Variants in TAB1 observed in about 807,000 individuals in gnomAD.
TAB1 encodes the protein TGF-beta activated kinase 1 (MAP3K7) binding protein 1, also known as TGF-beta-activated kinase 1 and MAP3K7-binding protein 1.
In TAB1, 30 loss-of-function variants were observed where a neutral mutation model predicts 54.5. The observed-to-expected ratio is 0.55, with a 90% CI of 0.41 to 0.75. The LOEUF (loss-of-function observed/expected upper bound fraction) is 0.75. TAB1 is among the 30% of genes least tolerant of loss of function. The probability of loss-of-function intolerance (pLI) is 0.00; values close to 1 mark genes in which losing one functional copy is unlikely to be tolerated. For missense variants in TAB1, 609 were observed against 683.2 expected, an observed-to-expected ratio of 0.89 and a Z score of 1.21; for synonymous variants, 289 against 286.9, an observed-to-expected ratio of 1.01 and a Z score of -0.07.
At chr22:39,433,612 C>G, downstream of TAB1, 1 of 985,428 alleles carries the variant, frequency 1.0e-6, no homozygotes, top group Admixed American at 6.1e-5. Flanking sequence ...GTTGTACCGT[C>G]CTGGTCTGGT....
At chr22:39,411,603 G>T (rs768831439) in intron 1 of TAB1, among the ~76,000 whole-genome samples, 1 of 152,172 alleles carries the variant, frequency 6.6e-6, no homozygotes, top group Admixed American at 6.5e-5. Context: ...TGGCAAGGAC[G>T]TGGAGCAGCC....
intron 6 of TAB1, 80 bp downstream of exon 6, chr22:39,418,925 G>T: frequency 8.7e-7 from 1 of 1,150,864 alleles, no homozygotes; most frequent in Non-Finnish European, 1.3e-6. Flanking sequence ...GTAGAGAGGC[G>T]TGTGGTAGAG....
chr22:39,416,750 G>C (rs755997019), intron 3 of TAB1, 41 bp from the exon 4 acceptor site: 28 of 1,584,656 alleles, frequency 1.8e-5, no homozygotes, highest in East Asian at 8.9e-5. Context: ...AGTGACAGTG[G>C]TGTTTTGAAC....
At chr22:39,401,013 C>T (rs1043874860) in intron 1 of TAB1, among the ~76,000 whole-genome samples, 4 of 131,270 alleles carry the variant, frequency 3.0e-5, no homozygotes, top group African/African-American at 9.1e-5. Context: ...CAGCCTGGAG[C>T]GACAGAGCGA....
chr22:39,406,052 C>A (rs939100388), intron 1 of TAB1, among the ~76,000 whole-genome samples: 5 of 152,108 alleles, frequency 3.3e-5, no homozygotes, highest in East Asian at 1.9e-4. Context: ...CATACCAACT[C>A]CAGAGACGTT....
At chr22:39,428,854 C>T (rs1453679794) in intron 10 of TAB1, among the ~76,000 whole-genome samples, 1 of 152,236 alleles carries the variant, frequency 6.6e-6, no homozygotes, top group Non-Finnish European at 1.5e-5. Flanking sequence ...GGGTGGGCGG[C>T]CTGCATGCCT....
In TAB1 at chr22:39,403,573, G is replaced by A. The variant is rs1926236088; in HGVS notation, c.33+3738G>A. Among the ~76,000 whole-genome samples the A allele has an allele frequency of 3.9e-5, 6 of 152,186 alleles. 1 individual carries two copies. In the South Asian group the frequency reaches 1.2e-3, roughly 32 times the overall value. On this transcript the variant is annotated intron_variant, in intron 1 of 10. Transcript: ENST00000216160. ...GATTCCATTCTTCATGTGATGTGAAGCTTTCATGGGGAGCAGATTGAGTAG... is the reference window on the plus strand; with the variant it reads ...GATTCCATTCTTCATGTGATGTGAAACTTTCATGGGGAGCAGATTGAGTAG...
At chr22:39,423,519 C>T (rs577345838) in intron 8 of TAB1, among the ~76,000 whole-genome samples, 20 of 152,228 alleles carry the variant, frequency 1.3e-4, no homozygotes, top group African/African-American at 4.8e-4. Flanking sequence ...GCAGGAGAAT[C>T]GCTTGAACCC....
chr22:39,399,783 C>T lies in TAB1; in HGVS notation c.-20C>T. 1.9e-6 allele frequency: 3 copies of T among 1,582,232 alleles called. No individual in the cohort carries two copies. The highest frequency in any genetic ancestry group is 1.3e-5 in the African/African-American group (1 of 74,474). On this transcript the variant is annotated 5_prime_UTR_variant, in exon 1 of 11. Coordinates refer to ENST00000216160, the MANE Select transcript of TAB1 (RefSeq NM_006116.3). ...GCTGCTCTGCGGGGAGGCGGGCGCTCCCGCAGGGGTTCCTCCAAGATGGCG... is the reference window on the plus strand; with the variant it reads ...GCTGCTCTGCGGGGAGGCGGGCGCTTCCGCAGGGGTTCCTCCAAGATGGCG...
chr22:39,408,206 T>C (rs911746785), intron 1 of TAB1, among the ~76,000 whole-genome samples: 2 of 152,252 alleles, frequency 1.3e-5, no homozygotes, highest in Non-Finnish European at 2.9e-5. Context: ...TGTTGAAATA[T>C]CTAGACACTA....
chr22:39,418,211 G>A (rs925210006), intron 5 of TAB1, among the ~76,000 whole-genome samples: 4 of 152,198 alleles, frequency 2.6e-5, no homozygotes, highest in Non-Finnish European at 4.4e-5. Flanking sequence ...AGGTGACAGG[G>A]ACATTGGGGT....
chr22:39,429,928 A>G, intron 10 of TAB1, 87 bp from the exon 11 acceptor site: 1 of 1,575,704 alleles, frequency 6.3e-7, no homozygotes, highest in Non-Finnish European at 8.6e-7. Flanking sequence ...AGAGGCTGGT[A>G]GAGGCAGGGG....
rs1927552399 is a variant in TAB1 at position 39,430,699 on chromosome 22, C to G, written c.*477C>G. On this transcript the variant is annotated 3_prime_UTR_variant, in exon 11 of 11. Transcript: ENST00000216160. ...GCCTCTCAGCCCTGTGCTCCTGCAT[C>G]CAGAGTGGAACCCAGGCTGGTGTCC... is the stretch of plus-strand genomic sequence containing the variant. 1 of 1,037,140 alleles carries G rather than the reference C, an allele frequency of 9.6e-7. No individual in the cohort carries two copies. The highest frequency in any genetic ancestry group is 1.2e-6 in the Non-Finnish European group (1 of 858,946). 64.2% of individuals were successfully genotyped at this position (1,037,140 alleles called of 1,614,324 possible). A position where few individuals can be genotyped will look rare whatever the true frequency, so the allele number is the denominator to read the frequency against.
intron 4 of TAB1, among the ~76,000 whole-genome samples, chr22:39,417,472 T>C (rs1194169833): frequency 6.6e-6 from 1 of 152,006 alleles, no homozygotes; most frequent in African/African-American, 2.4e-5. Context: ...TACAAAAAAT[T>C]AGCTGGGCGT....
chr22:39,409,026 T>A (rs1926498964), intron 1 of TAB1, among the ~76,000 whole-genome samples: 2 of 152,228 alleles, frequency 1.3e-5, no homozygotes, highest in Admixed American at 1.3e-4. Flanking sequence ...TTAATATTAT[T>A]CATCTCATAT....
intron 1 of TAB1, among the ~76,000 whole-genome samples, chr22:39,400,176 A>T (rs529887455): frequency 6.6e-6 from 1 of 152,252 alleles, no homozygotes; most frequent in East Asian, 1.9e-4. Flanking sequence ...GTGCAATGAT[A>T]ATAACAGCAG....
intron 1 of TAB1, among the ~76,000 whole-genome samples, chr22:39,406,397 CAAAAAAAAAAAA>C (rs11290078): frequency 2.7e-5 from 2 of 73,774 alleles, no homozygotes; most frequent in African/African-American, 5.8e-5. Flanking sequence ...AGACTGTCAC[CAAAAAAAAAAAA>C]AAAAAAAAAG....
intron 10 of TAB1, among the ~76,000 whole-genome samples, chr22:39,428,876 G>T (rs888773862): frequency 6.6e-6 from 1 of 152,268 alleles, no homozygotes; most frequent in Admixed American, 6.5e-5. Context: ...TGCCCCATCA[G>T]GGGGCCTTCC....
chr22:39,427,400 C>T (rs1468035892), intron 9 of TAB1, among the ~76,000 whole-genome samples: 1 of 152,190 alleles, frequency 6.6e-6, no homozygotes, highest in African/African-American at 2.4e-5. Flanking sequence ...CCTGTCTGTC[C>T]CTGGGCTGCA....
Sources: allele counts gnomAD v4.1 joint callset (sites outside exome capture counted in the v4.1 genomes callset), GRCh38; gene constraint gnomAD v4.1.1; transcripts MANE v1.5; gene names NCBI Gene and HGNC (gene_info 2026-07-23, HGNC 2026-07-21).